ATP13A5: variants seen among roughly 807,000 people sequenced by gnomAD.
ATP13A5 encodes the protein ATPase 13A5.
ATP13A5 carries 149 observed loss-of-function variants against 150.2 expected under a neutral mutation model. That is an observed-to-expected ratio of 0.99 (90% confidence interval 0.87 to 1.14). The LOEUF (loss-of-function observed/expected upper bound fraction) is 1.14, where lower values mean the gene tolerates loss of function less well. Ranked by LOEUF, ATP13A5 falls within the 50% of genes most tolerant of loss-of-function variation. ATP13A5 has a pLI of 0.00. For synonymous variants in ATP13A5, 497 were observed against 522.2 expected, an observed-to-expected ratio of 0.95 and a Z score of 0.66; for missense variants, 1,383 against 1,449.3, an observed-to-expected ratio of 0.95 and a Z score of 0.74.
intron 12 of ATP13A5, among the ~76,000 whole-genome samples, chr3:193,329,122 G>A (rs1355669334): frequency 6.6e-6 from 1 of 152,098 alleles, no homozygotes; most frequent in African/African-American, 2.4e-5. Flanking sequence ...GTGCACGCCT[G>A]TAATCCCAGC....
chr3:193,289,856 C>T (rs761804040), intron 26 of ATP13A5, 29 bp downstream of exon 26: 16 of 1,537,062 alleles, frequency 1.0e-5, no homozygotes, highest in African/African-American at 7.0e-5. Flanking sequence ...AATTACCTTT[C>T]GAAAGCAGCA....
intron 7 of ATP13A5, among the ~76,000 whole-genome samples, chr3:193,346,486 T>A (rs1712342580): frequency 6.6e-6 from 1 of 152,218 alleles, no homozygotes; most frequent in African/African-American, 2.4e-5. Flanking sequence ...TGGAAGGTAC[T>A]GCCTCTTCCT....
intron 29 of ATP13A5, among the ~76,000 whole-genome samples, chr3:193,276,244 C>T (rs1577317179): frequency 6.6e-6 from 1 of 152,294 alleles, no homozygotes; most frequent in East Asian, 1.9e-4. Flanking sequence ...AAAGATAATA[C>T]TTGAGCCTCT....
chr3:193,355,558 A>G (rs549414775), intron 5 of ATP13A5, among the ~76,000 whole-genome samples: 7 of 152,256 alleles, frequency 4.6e-5, no homozygotes, highest in African/African-American at 1.4e-4. Flanking sequence ...TCTTAGCCAT[A>G]TTTCTTTCCA....
chr3:193,305,684 C>T lies in ATP13A5; in HGVS notation c.2569-16G>A. 1 of 1,609,736 alleles carries T rather than the reference C, an allele frequency of 6.2e-7. No homozygotes were observed. The highest frequency in any genetic ancestry group is 8.5e-7 in the Non-Finnish European group (1 of 1,176,184). ...CTTTCAAAGCCTGGAATGATAAGCC[C>T]ATGTCTCACCCATGACTTTTCAGGT... On this transcript the variant is annotated splice_polypyrimidine_tract_variant and intron_variant, in intron 22 of 29. Transcript: ENST00000342358.
chr3:193,290,161 A>T (rs1717893008), intron 25 of ATP13A5, 102 bp from the exon 26 acceptor site: 3 of 1,177,956 alleles, frequency 2.5e-6, no homozygotes, highest in South Asian at 1.7e-5. Context: ...TGGGATTCAG[A>T]CTAAGCAAAC....
intron 26 of ATP13A5, among the ~76,000 whole-genome samples, chr3:193,287,130 G>T (rs981983187): frequency 2.0e-5 from 3 of 152,128 alleles, no homozygotes; most frequent in Admixed American, 6.6e-5. Context: ...ACTAGCAAGA[G>T]GTTGGTTCCT....
intron 16 of ATP13A5, 45 bp downstream of exon 16, chr3:193,321,636 A>G: frequency 6.2e-7 from 1 of 1,601,680 alleles, no homozygotes. Flanking sequence ...GTCTCAAAGA[A>G]AAAACAAAAG....
chr3:193,333,837 G>C lies in ATP13A5; in HGVS notation c.1185C>G (p.Tyr395Ter). ...ACACGATGAACTTGAAGGCATCGCT[G>C]TATAGTTTGAAGTTCAGAGGCCGGG... Reference protein sequence around the residue: ...LYPRPLNFKLYSDAFKFIVFL... With the variant: ...LYPRPLNFKL Residue 395 changes from tyrosine to a stop codon, truncating the protein, a stop_gained, in exon 11 of 30, where the codon TAC becomes TAG. Coordinates refer to ENST00000342358, the MANE Select transcript of ATP13A5 (RefSeq NM_198505.4). LOFTEE classifies it high-confidence loss of function. 6.2e-7 allele frequency: 1 copy of C among 1,613,934 alleles called. No homozygotes were observed. The highest frequency in any genetic ancestry group is 1.1e-5 in the South Asian group (1 of 91,076).
chr3:193,311,969 A>G, intron 19 of ATP13A5, 28 bp from the exon 20 acceptor site: 1 of 1,612,064 alleles, frequency 6.2e-7, no homozygotes, highest in Non-Finnish European at 8.5e-7. Context: ...TCATTTCTAC[A>G]TTGACTCCTA....
In ATP13A5 at chr3:193,321,634, G is replaced by T. The variant is rs745431186; in HGVS notation, c.1915+47C>A. 4 of 1,598,310 alleles carry T rather than the reference G, an allele frequency of 2.5e-6. No homozygotes were observed. In the African/African-American group the frequency reaches 5.4e-5, roughly 21 times the overall value. On this transcript the variant is annotated intron_variant, in intron 16 of 29. Coordinates refer to ENST00000342358, the MANE Select transcript of ATP13A5 (RefSeq NM_198505.4). Reference sequence around the variant, plus strand: ...GGACAGAGCAAGATTCTGTCTCAAAGAAAAAACAAAAGTATTTTACTTCTT... The same window carrying T: ...GGACAGAGCAAGATTCTGTCTCAAATAAAAAACAAAAGTATTTTACTTCTT...
At chr3:193,345,996 A>G (rs895823251) in intron 7 of ATP13A5, among the ~76,000 whole-genome samples, 5 of 152,018 alleles carry the variant, frequency 3.3e-5, no homozygotes, top group African/African-American at 4.8e-5. Flanking sequence ...TCCTTTATGA[A>G]CTGTGGATTT....
Position 193,333,882 on chromosome 3 carries a change from T to G in ATP13A5, c.1140A>C (p.Leu380Phe). The part of the protein sequence containing the change: ...QTGYNTAKGD[L>F]VRSILYPRPL... Reference sequence around the variant, plus strand: ...GCCGGGGGTACAGGATGGATCTCACTAAGTCCCCTTTGGCTGTATTGTAAC... The same window carrying G: ...GCCGGGGGTACAGGATGGATCTCACGAAGTCCCCTTTGGCTGTATTGTAAC... The change falls in exon 11 of 30, where the codon TTA (leucine) becomes TTC (phenylalanine). Residue 380 changes from leucine to phenylalanine, a missense_variant. Leu to Phe is a conservative substitution (Grantham distance 22, BLOSUM62 0). Around this residue, in one of 3 missense-constraint regions of ATP13A5, gnomAD observed 787 missense variants for 771.9 expected, o/e 1.02. Coordinates refer to ENST00000342358, the MANE Select transcript of ATP13A5 (RefSeq NM_198505.4). 6.2e-7 allele frequency: 1 copy of G among 1,613,726 alleles called. No individual in the cohort carries two copies. Among genetic ancestry groups the G allele is most frequent in the Non-Finnish European group, 8.5e-7 (1 of 1,179,808 alleles).
At chr3:193,360,582 G>T (rs975389707) in intron 5 of ATP13A5, among the ~76,000 whole-genome samples, 1 of 152,064 alleles carries the variant, frequency 6.6e-6, no homozygotes, top group Non-Finnish European at 1.5e-5. Flanking sequence ...ACATAAATAT[G>T]ACCATGTTTA....
intron 8 of ATP13A5, among the ~76,000 whole-genome samples, chr3:193,344,311 G>A (rs1323386289): frequency 3.3e-5 from 5 of 152,206 alleles, no homozygotes. Flanking sequence ...GCCCACAGCA[G>A]ATACACAAGG....
chr3:193,364,040 T>C, intron 2 of ATP13A5, 67 bp downstream of exon 2: 7 of 1,489,672 alleles, frequency 4.7e-6, no homozygotes, highest in Non-Finnish European at 4.6e-6. Context: ...GCCACAGAGT[T>C]ATGCCACAGA....
At chr3:193,322,410 C>A in intron 15 of ATP13A5, 81 bp downstream of exon 15, 1 of 1,089,060 alleles carries the variant, frequency 9.2e-7, no homozygotes, top group Non-Finnish European at 1.4e-6. Flanking sequence ...AATAATAGGA[C>A]TATAAAAATA....
intron 27 of ATP13A5, among the ~76,000 whole-genome samples, chr3:193,280,751 G>A (rs1349922397): frequency 6.6e-6 from 1 of 152,000 alleles, no homozygotes; most frequent in Non-Finnish European, 1.5e-5. Context: ...TCACCTTCAG[G>A]CCCAAACAAC....
intron 6 of ATP13A5, among the ~76,000 whole-genome samples, chr3:193,353,177 A>G (rs1029344126): frequency 2.0e-5 from 3 of 152,120 alleles, no homozygotes; most frequent in African/African-American, 7.2e-5. Context: ...GCATGTGACA[A>G]ATCCCTGAAG....
Sources: gnomAD v4.1 joint callset for allele counts (sites outside exome capture counted in the v4.1 genomes callset) on GRCh38, gnomAD v4.1.1 for gene constraint, gnomAD v4.1.1 regional missense constraint, MANE v1.5 for transcripts, NCBI Gene and HGNC (gene_info 2026-07-23, HGNC 2026-07-21) for gene names.